SIK2: variants seen among roughly 807,000 people sequenced by gnomAD.
The protein encoded by SIK2 is serine/threonine-protein kinase SIK2.
Under a neutral mutation model 103.2 loss-of-function variants are expected in SIK2, and 29 were observed. That is an observed-to-expected ratio of 0.28 (90% CI 0.21 to 0.38). The LOEUF is 0.38. Ranked by LOEUF, SIK2 falls within the 10% of genes least tolerant of loss-of-function variation. The pLI, the probability that SIK2 is intolerant of heterozygous loss-of-function variation, is 1.00. For missense variants in SIK2, 879 were observed against 1,171.0 expected (o/e 0.75, Z 3.64); for synonymous variants, 412 against 446.1 (o/e 0.92, Z 0.96).
At chr11:111,662,099 T>C (rs1325504423) in intron 3 of SIK2, among the ~76,000 whole-genome samples, 1 of 152,194 alleles carries the variant, frequency 6.6e-6, no homozygotes, top group African/African-American at 2.4e-5. Flanking sequence ...GAGAGGAGTG[T>C]TCTTGAGCAG....
chr11:111,667,813 A>G (rs956526601), intron 3 of SIK2, among the ~76,000 whole-genome samples: 2 of 152,162 alleles, frequency 1.3e-5, no homozygotes, highest in African/African-American at 2.4e-5. Flanking sequence ...ATTTCTATGT[A>G]ATGTTTAAGA....
intron 3 of SIK2, among the ~76,000 whole-genome samples, chr11:111,627,277 CCTATCAGAGGGGACTTTCAG>C (rs967380899): frequency 3.9e-5 from 6 of 152,012 alleles, no homozygotes; most frequent in African/African-American, 1.5e-4. Context: ...ATTAGTCCCC[CCTATCAGAGGGGACTTTCAG>C]CGGTTTCACT....
chr11:111,657,720 A>G (rs1202190450), intron 3 of SIK2, among the ~76,000 whole-genome samples: 1 of 152,166 alleles, frequency 6.6e-6, no homozygotes, highest in Non-Finnish European at 1.5e-5. Context: ...TATTTCTACA[A>G]GGATGGAAGA....
At chr11:111,609,986 C>T (rs975782656) in intron 1 of SIK2, among the ~76,000 whole-genome samples, 1 of 152,120 alleles carries the variant, frequency 6.6e-6, no homozygotes, top group Non-Finnish European at 1.5e-5. Context: ...TAAATATTAT[C>T]TAAGACAAGA....
chr11:111,629,495 T>C (rs1942009833), intron 3 of SIK2, among the ~76,000 whole-genome samples: 2 of 152,240 alleles, frequency 1.3e-5, no homozygotes, highest in Admixed American at 1.3e-4. Context: ...TGCCTAAGTC[T>C]GTTTTCAGAG....
intron 3 of SIK2, among the ~76,000 whole-genome samples, chr11:111,665,550 G>A (rs1045186607): frequency 6.6e-6 from 1 of 152,058 alleles, no homozygotes; most frequent in African/African-American, 2.4e-5. Flanking sequence ...GGGGCTGGGC[G>A]TGGTGGCTCA....
intron 8 of SIK2, among the ~76,000 whole-genome samples, chr11:111,707,402 C>T (rs774730513): frequency 2.0e-5 from 3 of 152,156 alleles, no homozygotes; most frequent in East Asian, 3.9e-4. Context: ...GATACATAAA[C>T]GTGACTTCTT....
chr11:111,669,950 A>G (rs557243651), intron 3 of SIK2, among the ~76,000 whole-genome samples: 3 of 152,218 alleles, frequency 2.0e-5, no homozygotes, highest in Non-Finnish European at 4.4e-5. Flanking sequence ...TTCAGGGTAC[A>G]TGTAATAATA....
intron 8 of SIK2, among the ~76,000 whole-genome samples, chr11:111,707,878 G>A (rs1280970676): frequency 1.3e-5 from 2 of 152,280 alleles, no homozygotes; most frequent in South Asian, 2.1e-4. Flanking sequence ...GCAAGTCAGC[G>A]TCTCTGAGTT....
chr11:111,612,503 A>G (rs1413961976), intron 1 of SIK2, among the ~76,000 whole-genome samples: 1 of 152,232 alleles, frequency 6.6e-6, no homozygotes, highest in Middle Eastern at 3.4e-3. Context: ...GACTGTTTCT[A>G]TGCCACCCTT....
intron 3 of SIK2, among the ~76,000 whole-genome samples, chr11:111,661,885 G>T (rs546562551): frequency 1.3e-5 from 2 of 152,232 alleles, no homozygotes; most frequent in African/African-American, 4.8e-5. Context: ...CTCCCACCAG[G>T]TCCCTCCCAT....
At chr11:111,698,344 C>G (rs1040061986) in intron 4 of SIK2, among the ~76,000 whole-genome samples, 7 of 152,312 alleles carry the variant, frequency 4.6e-5, no homozygotes, top group Admixed American at 3.9e-4. Flanking sequence ...GAGGCCAGGC[C>G]ACCTTCTTGA....
intron 1 of SIK2, among the ~76,000 whole-genome samples, chr11:111,611,132 C>A (rs1941720576): frequency 1.3e-5 from 2 of 150,302 alleles, no homozygotes; most frequent in African/African-American, 4.9e-5. Context: ...ACCTGTAGTC[C>A]CAGCTTCTTG....
At chr11:111,696,224 A>G (rs929897957) in intron 4 of SIK2, among the ~76,000 whole-genome samples, 5 of 152,226 alleles carry the variant, frequency 3.3e-5, no homozygotes, top group Non-Finnish European at 1.5e-5. Flanking sequence ...GCTAAATGCA[A>G]TGTGGAATCC....
intron 1 of SIK2, among the ~76,000 whole-genome samples, chr11:111,605,400 C>G (rs1941636962): frequency 6.6e-6 from 1 of 152,102 alleles, no homozygotes; most frequent in African/African-American, 2.4e-5. Flanking sequence ...ACCTTAAAAA[C>G]TATAAGATGT....
At chr11:111,649,275 T>A (rs902100449) in intron 3 of SIK2, among the ~76,000 whole-genome samples, 1 of 152,200 alleles carries the variant, frequency 6.6e-6, no homozygotes, top group Non-Finnish European at 1.5e-5. Context: ...AATCAAACAC[T>A]GTACACTTTA....
At chr11:111,677,586 A>ATTTTTTTTTTTTTTTTTTTTT (rs11384906) in intron 3 of SIK2, among the ~76,000 whole-genome samples, 7 of 110,940 alleles carry the variant, frequency 6.3e-5, no homozygotes, top group Non-Finnish European at 8.7e-5. Flanking sequence ...CCCAGCTAAA[A>ATTTTTTTTTTTTTTTTTTTTT]TTTTTTTTTT....
At chr11:111,625,504 G>A (rs1398379756) in intron 3 of SIK2, among the ~76,000 whole-genome samples, 1 of 152,140 alleles carries the variant, frequency 6.6e-6, no homozygotes, top group Non-Finnish European at 1.5e-5. Flanking sequence ...TTAGAAAAGA[G>A]GAGAAACTAG....
At chr11:111,681,619 C>G (rs892732908) in intron 3 of SIK2, among the ~76,000 whole-genome samples, 3 of 152,084 alleles carry the variant, frequency 2.0e-5, no homozygotes, top group African/African-American at 7.2e-5. Flanking sequence ...GGCTAGCATG[C>G]CAACTCCTTA....
Sources: allele counts gnomAD v4.1 joint callset (sites outside exome capture counted in the v4.1 genomes callset), GRCh38; gene constraint gnomAD v4.1.1; transcripts MANE v1.5; gene names NCBI Gene and HGNC (gene_info 2026-07-23, HGNC 2026-07-21).